Variants in CACNG4 observed in about 807,000 individuals in gnomAD.
CACNG4 encodes the protein calcium voltage-gated channel auxiliary subunit gamma 4, also known as voltage-dependent calcium channel gamma-4 subunit.
In CACNG4, 8 loss-of-function variants were observed where a neutral mutation model predicts 22.9. The ratio of observed to expected loss-of-function variants is 0.35; its 90% CI spans 0.21 to 0.63. The LOEUF is 0.63. CACNG4 is among the 30% of genes least tolerant of loss of function. The pLI is 0.72. For synonymous variants in CACNG4, 188 were observed against 191.9 expected (o/e 0.98, Z 0.17); for missense variants, 357 against 455.4 (o/e 0.78, Z 1.97).
rs577889382 is a variant in CACNG4, at chr17:67,032,011, A to G, written c.*1007A>G. 2.0e-5 allele frequency: 9 copies of G among 455,672 alleles called. No individual in the cohort carries two copies. Among genetic ancestry groups the G allele is most frequent in the South Asian group, 1.4e-4 (9 of 64,288 alleles). The allele number at this position is 455,672 out of a possible 1,614,324, so 28.2% of individuals were successfully genotyped here. On this transcript the variant is annotated 3_prime_UTR_variant, in exon 4 of 4. Coordinates refer to ENST00000262138, the MANE Select transcript of CACNG4 (RefSeq NM_014405.4). ...CCTAGAGAACAAACATCCATTTCCTAGGTGGTTACAAATCATAACTTCCTG... is the reference window on the plus strand; with the variant it reads ...CCTAGAGAACAAACATCCATTTCCTGGGTGGTTACAAATCATAACTTCCTG...
At position 67,031,683 on chromosome 17, in the gene CACNG4, T is replaced by TG. The variant is rs1398243850; in HGVS notation, c.*684dup. 3 of 456,724 alleles carry TG rather than the reference T, an allele frequency of 6.6e-6. No homozygotes were observed. Among genetic ancestry groups the TG allele is most frequent in the Non-Finnish European group, 1.3e-5 (3 of 226,958 alleles). The allele number at this position is 456,724 out of a possible 1,614,324, so 28.3% of individuals were successfully genotyped here. ...CTGTGGAGGAGGCCCAGGTAAAGGC[T>TG]GGGGGCTGTTGCTGGCTATCCTCTT... On this transcript the variant is annotated 3_prime_UTR_variant, in exon 4 of 4. Coordinates refer to ENST00000262138, the MANE Select transcript of CACNG4 (RefSeq NM_014405.4). This position sits in a 1 kb window ranked among gnomAD's most constrained non-coding sequence, Gnocchi z 4.0.
At chr17:67,019,122 A>T (rs913017883) in intron 2 of CACNG4, among the ~76,000 whole-genome samples, 1 of 152,134 alleles carries the variant, frequency 6.6e-6, no homozygotes, top group Non-Finnish European at 1.5e-5. Context: ...TGGGGCTCAG[A>T]CCCAGCCTTG....
At chr17:67,000,734 G>A (rs2035403337) in intron 1 of CACNG4, among the ~76,000 whole-genome samples, 1 of 152,160 alleles carries the variant, frequency 6.6e-6, no homozygotes, top group South Asian at 2.1e-4. Context: ...GGGACGGGGG[G>A]AGGGATGTTT....
chr17:66,997,190 A>T (rs2035380518), intron 1 of CACNG4, among the ~76,000 whole-genome samples: 1 of 152,192 alleles, frequency 6.6e-6, no homozygotes, highest in Admixed American at 6.5e-5. Context: ...GGATACCAGT[A>T]AAAAGGAAGA....
intron 1 of CACNG4, among the ~76,000 whole-genome samples, chr17:66,994,646 G>A (rs1011282138): frequency 1.1e-4 from 16 of 152,282 alleles, no homozygotes; most frequent in South Asian, 8.3e-4. Flanking sequence ...TTCAGGTCCC[G>A]GCTTTCTCCA....
intron 1 of CACNG4, among the ~76,000 whole-genome samples, chr17:67,011,169 C>A (rs2035465667): frequency 6.6e-6 from 1 of 152,212 alleles, no homozygotes; most frequent in South Asian, 2.1e-4. Context: ...GTGGTCTTCA[C>A]CCTCACCGCC....
chr17:67,007,616 G>A lies in CACNG4; in HGVS notation c.221-10573G>A, dbSNP rs184239920. ...CCAGGCTTCTCGGTGATGTGCTGTCGGAAACTCAGGACTCTTTCTAAGCCC... is the reference window on the plus strand; with the variant it reads ...CCAGGCTTCTCGGTGATGTGCTGTCAGAAACTCAGGACTCTTTCTAAGCCC... On this transcript the variant is annotated intron_variant, in intron 1 of 3. Coordinates refer to ENST00000262138, the MANE Select transcript of CACNG4 (RefSeq NM_014405.4). 2.4e-4 allele frequency among the ~76,000 whole-genome samples: 37 copies of A among 152,042 alleles called. No individual in the cohort carries two copies. In the East Asian group the frequency reaches 2.5e-3, roughly 10 times the overall value.
chr17:67,000,125 T>G (rs2035399480), intron 1 of CACNG4, among the ~76,000 whole-genome samples: 1 of 152,208 alleles, frequency 6.6e-6, no homozygotes, highest in Non-Finnish European at 1.5e-5. Context: ...AGGCTCTCTC[T>G]GCAAGCAGAA....
chr17:66,972,412 C>T (rs1712821081), intron 1 of CACNG4, among the ~76,000 whole-genome samples: 1 of 152,200 alleles, frequency 6.6e-6, no homozygotes, highest in South Asian at 2.1e-4. Flanking sequence ...AGCAGCATAC[C>T]TGGCCTCCCC....
intron 1 of CACNG4, among the ~76,000 whole-genome samples, chr17:67,013,513 CT>C (rs2035479478): frequency 6.6e-6 from 1 of 152,126 alleles, no homozygotes; most frequent in African/African-American, 2.4e-5. Context: ...TAGAAATATA[CT>C]TTTAATGAGG....
chr17:67,017,576 G>A (rs963563975), intron 1 of CACNG4, among the ~76,000 whole-genome samples: 18 of 151,948 alleles, frequency 1.2e-4, no homozygotes, highest in Middle Eastern at 3.2e-3. Flanking sequence ...GGAGTGCAGT[G>A]GCGCGATCTT....
chr17:66,983,747 C>T (rs2035290046), intron 1 of CACNG4, among the ~76,000 whole-genome samples: 1 of 152,194 alleles, frequency 6.6e-6, no homozygotes, highest in African/African-American at 2.4e-5. Context: ...GCCCTGGAAC[C>T]CATGTTTTGC....
At chr17:67,026,638 T>C (rs762235369) in intron 3 of CACNG4, among the ~76,000 whole-genome samples, 1 of 150,188 alleles carries the variant, frequency 6.7e-6, no homozygotes, top group African/African-American at 2.5e-5. Flanking sequence ...TGTGTGTGTC[T>C]GAGACGTGTA....
At chr17:66,981,602 CTGTT>C (rs1009089823) in intron 1 of CACNG4, among the ~76,000 whole-genome samples, 9 of 152,148 alleles carry the variant, frequency 5.9e-5, no homozygotes, top group Non-Finnish European at 1.3e-4. Flanking sequence ...GAGACCCACT[CTGTT>C]TGTCACCAGT....
chr17:66,973,254 C>T (rs1054498753), intron 1 of CACNG4, among the ~76,000 whole-genome samples: 1 of 145,632 alleles, frequency 6.9e-6, no homozygotes, highest in South Asian at 2.2e-4. Context: ...AAAAAAAAAG[C>T]GAAAGCACAT....
At chr17:66,991,333 C>CA (rs1415283839) in intron 1 of CACNG4, among the ~76,000 whole-genome samples, 8 of 149,408 alleles carry the variant, frequency 5.4e-5, no homozygotes, top group African/African-American at 2.0e-4. Context: ...AACAAACAAA[C>CA]AAACAAAAAA....
At chr17:66,996,813 A>G (rs2035378130) in intron 1 of CACNG4, among the ~76,000 whole-genome samples, 2 of 152,200 alleles carry the variant, frequency 1.3e-5, no homozygotes, top group Admixed American at 1.3e-4. Context: ...GGAGGTTACA[A>G]TGACAGGGAT....
At chr17:66,975,520 G>C (rs946462909) in intron 1 of CACNG4, among the ~76,000 whole-genome samples, 1 of 152,186 alleles carries the variant, frequency 6.6e-6, no homozygotes. Context: ...GGGTTGTGAA[G>C]TTATATGAGA....
intron 1 of CACNG4, among the ~76,000 whole-genome samples, chr17:66,988,785 G>A (rs115950703): frequency 0.025 from 3,835 of 152,240 alleles, 146 homozygotes; most frequent in African/African-American, 0.088. Context: ...GAGGCAGGGC[G>A]CGGTGGCTCA....
Sources: gnomAD v4.1 joint callset for allele counts (sites outside exome capture counted in the v4.1 genomes callset) on GRCh38, gnomAD v4.1.1 for gene constraint, Gnocchi (gnomAD v3.1) non-coding constraint, MANE v1.5 for transcripts, NCBI Gene and HGNC (gene_info 2026-07-23, HGNC 2026-07-21) for gene names.